Variants in MEGF6 observed in about 807,000 individuals in gnomAD.
The protein encoded by MEGF6 is multiple EGF like domains 6, also known as multiple epidermal growth factor-like domains protein 6.
In MEGF6, 184 loss-of-function variants were observed where a neutral mutation model predicts 207.1. The observed-to-expected ratio is 0.89, with a 90% CI of 0.79 to 1.00. The LOEUF (loss-of-function observed/expected upper bound fraction) is 1.00, where lower values mean the gene tolerates loss of function less well. MEGF6 is among the 50% of genes least tolerant of loss of function. The pLI is 0.00. For synonymous variants in MEGF6, 1,038 were observed against 910.0 expected, an observed-to-expected ratio of 1.14 and a Z score of -2.53; for missense variants, 2,282 against 2,202.9, an observed-to-expected ratio of 1.04 and a Z score of -0.72.
rs977466504 is a variant in MEGF6, at chr1:3,556,153, C to A, written c.481+23672G>T. Among the ~76,000 whole-genome samples, 2 of 152,246 alleles carry A rather than the reference C, an allele frequency of 1.3e-5. No individual in the cohort carries two copies. The highest frequency in any genetic ancestry group is 2.4e-5 in the African/African-American group (1 of 41,470). ...TTCCGTGGCCCAGGTGCTAAGTGAA[C>A]CACGTCCCTGTTGCTGGGCCACCCT... On this transcript the variant is annotated intron_variant, in intron 4 of 36. Transcript: ENST00000356575. This position sits in a 1 kb window ranked among gnomAD's most constrained non-coding sequence, Gnocchi z 4.4.
chr1:3,497,436 C>G, intron 26 of MEGF6, 75 bp from the exon 27 acceptor site: 1 of 1,442,672 alleles, frequency 6.9e-7, no homozygotes, highest in South Asian at 1.4e-5. Context: ...AGGCCGGGAG[C>G]AGGTGCTGTG....
At chr1:3,584,556 C>T (rs1037272790) in intron 3 of MEGF6, among the ~76,000 whole-genome samples, 20 of 152,240 alleles carry the variant, frequency 1.3e-4, no homozygotes, top group African/African-American at 4.8e-4. Context: ...GCTCCAGCTG[C>T]CACTAAGCAT....
chr1:3,519,539 G>A (rs1040902846), intron 5 of MEGF6, among the ~76,000 whole-genome samples: 6 of 152,366 alleles, frequency 3.9e-5, no homozygotes, highest in South Asian at 2.1e-4. Flanking sequence ...CCAGGGCTGC[G>A]TGAGCATCAC....
intron 35 of MEGF6, among the ~76,000 whole-genome samples, chr1:3,491,528 G>C (rs1260013480): frequency 6.6e-6 from 1 of 151,808 alleles, no homozygotes; most frequent in East Asian, 2.0e-4. Context: ...ACAATCTGCA[G>C]CCAGGACTGC....
In MEGF6 at chr1:3,498,355, G is replaced by A. The variant is rs1416378496; in HGVS notation, c.3352+16C>T. 3.1e-6 allele frequency: 5 copies of A among 1,596,192 alleles called. No individual in the cohort carries two copies. The highest frequency in any genetic ancestry group is 2.2e-5 in the East Asian group (1 of 44,642). On this transcript the variant is annotated intron_variant, in intron 26 of 36. Coordinates refer to ENST00000356575, the MANE Select transcript of MEGF6 (RefSeq NM_001409.4). ...AGCAGGGCCTGCAGACCCCCCTGCT[G>A]CCCCGCCCCACTCACGGCTCTGACA... is the stretch of plus-strand genomic sequence containing the variant.
intron 3 of MEGF6, among the ~76,000 whole-genome samples, chr1:3,591,454 G>C (rs748788018): frequency 6.6e-6 from 1 of 152,168 alleles, no homozygotes; most frequent in Non-Finnish European, 1.5e-5. Flanking sequence ...CTTCACCCAG[G>C]CCTCCTCCTC....
chr1:3,530,561 G>C (rs540381072), intron 4 of MEGF6, among the ~76,000 whole-genome samples: 3 of 152,206 alleles, frequency 2.0e-5, no homozygotes, highest in Non-Finnish European at 2.9e-5. Context: ...GAGGCAGGAC[G>C]GAACGAGAGC....
intron 17 of MEGF6, 135 bp downstream of exon 17, chr1:3,505,068 TAGCAA>T: frequency 1.1e-6 from 1 of 945,540 alleles, no homozygotes; most frequent in Non-Finnish European, 1.5e-6. Flanking sequence ...GCAACACCGG[TAGCAA>T]GGCACCACCT....
In MEGF6 at chr1:3,560,083, G is replaced by A. The variant is rs1643153047; in HGVS notation, c.481+19742C>T. On this transcript the variant is annotated intron_variant, in intron 4 of 36. Coordinates refer to ENST00000356575, the MANE Select transcript of MEGF6 (RefSeq NM_001409.4). The surrounding 1 kb of genome is among the most constrained non-coding windows in gnomAD (Gnocchi z 4.0). ...CCTGGGAGTCGGGAGGTGCTCTCAG[G>A]GCAGGAGAGGGCCTGGCAAGGTTAG... Among the ~76,000 whole-genome samples the A allele has an allele frequency of 6.7e-6, 1 of 149,848 alleles. No homozygotes were observed. Among genetic ancestry groups the A allele is most frequent in the South Asian group, 2.1e-4 (1 of 4,788 alleles).
chr1:3,542,104 T>G (rs1344987344), intron 4 of MEGF6, among the ~76,000 whole-genome samples: 1 of 151,820 alleles, frequency 6.6e-6, no homozygotes. Flanking sequence ...GGCTGCCCCG[T>G]TTCCCGTGAT....
In MEGF6 at chr1:3,497,895, G is replaced by A. The variant is rs142899582; in HGVS notation, c.3352+476C>T. Among the ~76,000 whole-genome samples the A allele has an allele frequency of 7.2e-3, 1,102 of 152,298 alleles. 17 individuals are homozygous for A. Among genetic ancestry groups the A allele is most frequent in the African/African-American group, 0.025 (1,049 of 41,554 alleles). Reference sequence around the variant, plus strand: ...GTGTTAGGGGCTTGGGTGGGAGGCCGGGGCTTTGAGGAATGAGGCAGTGTT... The same window carrying A: ...GTGTTAGGGGCTTGGGTGGGAGGCCAGGGCTTTGAGGAATGAGGCAGTGTT... On this transcript the variant is annotated intron_variant, in intron 26 of 36. Coordinates refer to ENST00000356575, the MANE Select transcript of MEGF6 (RefSeq NM_001409.4).
At chr1:3,539,663 C>T (rs962609498) in intron 4 of MEGF6, among the ~76,000 whole-genome samples, 4 of 152,174 alleles carry the variant, frequency 2.6e-5, no homozygotes, top group South Asian at 2.1e-4. Flanking sequence ...CTGGGGCTTC[C>T]GGGAGGACTG....
At chr1:3,497,174 G>C in intron 27 of MEGF6, 55 bp from the exon 28 acceptor site, 2 of 1,540,728 alleles carry the variant, frequency 1.3e-6, no homozygotes, top group South Asian at 2.5e-5. Context: ...GGAACAGGCA[G>C]CCTCTCTGGA....
rs1465792802 is a variant in MEGF6 at position 3,505,491 on chromosome 1, G to A, written c.1984C>T (p.Gln662Ter). The change falls in exon 16 of 37, where the codon CAG (glutamine) becomes TAG (stop). Residue 662 changes from glutamine to a stop codon, truncating the protein, a stop_gained. Transcript: ENST00000356575. LOFTEE classifies it high-confidence loss of function. Reference sequence around the variant, plus strand: ...CTGCCATCCCTCTTGTCACAGGACTGCGTGTGGGGCTGCACACACTGGCAC... The same window carrying A: ...CTGCCATCCCTCTTGTCACAGGACTACGTGTGGGGCTGCACACACTGGCAC... Reference protein sequence around the residue: ...EECQCVQPHTQSCDKRDGSCS... With the variant: ...EECQCVQPHT 1 of 1,608,336 alleles carries A rather than the reference G, an allele frequency of 6.2e-7. No homozygotes were observed. The highest frequency in any genetic ancestry group is 2.2e-5 in the East Asian group (1 of 44,718).
rs562294515 is a variant in MEGF6, at chr1:3,526,882, C to T, written c.482-2636G>A. On this transcript the variant is annotated intron_variant, in intron 4 of 36. Transcript: ENST00000356575. The stretch of plus-strand genomic sequence containing the variant: ...CTGGCCAGGGTGACAATGGAGGCCC[C>T]GCCTGCTGACCTTGCCTCGAGAGGG... Among the ~76,000 whole-genome samples, 428 of 152,300 alleles carry T rather than the reference C, an allele frequency of 2.8e-3. 1 individual carries two copies. The highest frequency in any genetic ancestry group is 5.3e-3 in the Non-Finnish European group (361 of 68,020).
chr1:3,538,405 C>G (rs975144908), intron 4 of MEGF6, among the ~76,000 whole-genome samples: 44 of 152,362 alleles, frequency 2.9e-4, no homozygotes, highest in African/African-American at 9.9e-4. Flanking sequence ...TCATGGTAAA[C>G]CCATTACCCT....
intron 26 of MEGF6, 36 bp from the exon 27 acceptor site, chr1:3,497,397 G>A (rs1393908194): frequency 5.4e-5 from 80 of 1,488,160 alleles, no homozygotes; most frequent in Non-Finnish European, 7.0e-5. Context: ...GCTTCTAGGA[G>A]GGGCCCGTGG....
intron 4 of MEGF6, among the ~76,000 whole-genome samples, chr1:3,529,292 C>G (rs1032301568): frequency 6.6e-6 from 1 of 152,134 alleles, no homozygotes; most frequent in Non-Finnish European, 1.5e-5. Flanking sequence ...CAGCAAAGGC[C>G]GAAAGGAGCT....
At chr1:3,526,201 G>C (rs1266261732) in intron 4 of MEGF6, among the ~76,000 whole-genome samples, 5 of 152,220 alleles carry the variant, frequency 3.3e-5, no homozygotes, top group African/African-American at 1.2e-4. Flanking sequence ...GGAAGCTTTG[G>C]AAGTGCCAGT....
Sources: allele counts gnomAD v4.1 joint callset (sites outside exome capture counted in the v4.1 genomes callset), GRCh38; gene constraint gnomAD v4.1.1; non-coding constraint Gnocchi (gnomAD v3.1); transcripts MANE v1.5; gene names NCBI Gene and HGNC (gene_info 2026-07-23, HGNC 2026-07-21).